OSBPL11: variants seen among roughly 807,000 people sequenced by gnomAD.
OSBPL11 encodes oxysterol binding protein like 11.
Under a neutral mutation model 84.4 loss-of-function variants are expected in OSBPL11, and 33 were observed. The observed-to-expected ratio is 0.39, with a 90% CI of 0.30 to 0.52. The LOEUF (loss-of-function observed/expected upper bound fraction) is 0.52. Among genes scored for constraint, OSBPL11 ranks in the 20% least tolerant of loss-of-function variants. The pLI, the probability that OSBPL11 is intolerant of heterozygous loss-of-function variation, is 0.72. For synonymous variants in OSBPL11, 276 were observed against 310.2 expected (o/e 0.89, Z 1.16); for missense variants, 736 against 901.1 (o/e 0.82, Z 2.35).
At chr3:125,542,992 T>A (rs1446692263) in intron 10 of OSBPL11, among the ~76,000 whole-genome samples, 3 of 152,084 alleles carry the variant, frequency 2.0e-5, no homozygotes, top group Non-Finnish European at 4.4e-5. Flanking sequence ...TGATAATTCT[T>A]TAAAAGCTGT....
At chr3:125,574,060 A>G (rs1936280775) in intron 5 of OSBPL11, among the ~76,000 whole-genome samples, 1 of 152,146 alleles carries the variant, frequency 6.6e-6, no homozygotes. Context: ...TGCTCTGCAG[A>G]GACCCCTGTG....
chr3:125,531,770 T>C (rs957077832), intron 12 of OSBPL11, 91 bp downstream of exon 12: 6 of 1,244,998 alleles, frequency 4.8e-6, no homozygotes, highest in African/African-American at 4.5e-5. Context: ...AAAATAAAGA[T>C]GTATAAGTGA....
At chr3:125,580,278 G>A (rs569536904) in intron 2 of OSBPL11, among the ~76,000 whole-genome samples, 6 of 152,250 alleles carry the variant, frequency 3.9e-5, no homozygotes, top group Admixed American at 2.6e-4. Flanking sequence ...ACTTTGGGAG[G>A]CAGAGGCGAG....
At chr3:125,573,208 T>TAA (rs998113066) in intron 5 of OSBPL11, among the ~76,000 whole-genome samples, 9 of 147,980 alleles carry the variant, frequency 6.1e-5, no homozygotes, top group African/African-American at 2.2e-4. Context: ...CAGTTCCTTT[T>TAA]AAAAAAAAAA....
At chr3:125,574,466 T>A (rs969354709) in intron 5 of OSBPL11, among the ~76,000 whole-genome samples, 4 of 150,650 alleles carry the variant, frequency 2.7e-5, no homozygotes, top group African/African-American at 9.7e-5. Flanking sequence ...GACTGACTTG[T>A]AAGCTGATTA....
intron 1 of OSBPL11, among the ~76,000 whole-genome samples, chr3:125,588,079 G>C (rs912679852): frequency 6.6e-6 from 1 of 151,980 alleles, no homozygotes; most frequent in Non-Finnish European, 1.5e-5. Context: ...AAAATTAGCT[G>C]GGCGTGGTGG....
At chr3:125,547,858 G>A (rs906532994) in intron 9 of OSBPL11, among the ~76,000 whole-genome samples, 1 of 152,030 alleles carries the variant, frequency 6.6e-6, no homozygotes, top group African/African-American at 2.4e-5. Context: ...ACATTTCAAG[G>A]GTTTTCTCTA....
chr3:125,591,974 C>T (rs1936601155), intron 1 of OSBPL11, among the ~76,000 whole-genome samples: 1 of 152,024 alleles, frequency 6.6e-6, no homozygotes, highest in African/African-American at 2.4e-5. Context: ...CACACTCAAC[C>T]CTGGGAGACA....
intron 7 of OSBPL11, 84 bp downstream of exon 7, chr3:125,563,614 T>G: frequency 7.4e-7 from 1 of 1,352,782 alleles, no homozygotes; most frequent in Non-Finnish European, 1.0e-6. Flanking sequence ...TTGATGTGCA[T>G]GAGCTGACAA....
At chr3:125,586,263 T>C (rs941276063) in intron 1 of OSBPL11, among the ~76,000 whole-genome samples, 6 of 152,180 alleles carry the variant, frequency 3.9e-5, no homozygotes, top group African/African-American at 2.4e-5. Flanking sequence ...AAATAAGCTA[T>C]GATAAAGTTA....
intron 11 of OSBPL11, 129 bp downstream of exon 11, chr3:125,538,322 A>T: frequency 2.6e-6 from 2 of 783,666 alleles, no homozygotes; most frequent in Non-Finnish European, 4.2e-6. Context: ...AGATCAGACT[A>T]ATGCTTTCAA....
chr3:125,582,878 G>C, intron 2 of OSBPL11, 32 bp downstream of exon 2: 1 of 1,490,924 alleles, frequency 6.7e-7, no homozygotes, highest in Non-Finnish European at 9.2e-7. Flanking sequence ...TCTCTTAGGA[G>C]AGACTGATGT....
At chr3:125,551,983 G>A (rs1015156409) in intron 9 of OSBPL11, among the ~76,000 whole-genome samples, 198 bp downstream of exon 9, 1 of 151,720 alleles carries the variant, frequency 6.6e-6, no homozygotes, top group Non-Finnish European at 1.5e-5. Context: ...ATTTAAGATT[G>A]TAGTTTGATA....
chr3:125,542,667 C>A (rs1429895608), intron 10 of OSBPL11, among the ~76,000 whole-genome samples: 1 of 152,088 alleles, frequency 6.6e-6, no homozygotes, highest in African/African-American at 2.4e-5. Flanking sequence ...TGCTACTACA[C>A]CCGGTTAATT....
chr3:125,558,873 A>C (rs1420230107), intron 8 of OSBPL11, among the ~76,000 whole-genome samples: 5 of 152,220 alleles, frequency 3.3e-5, no homozygotes, highest in Admixed American at 2.6e-4. Flanking sequence ...TGGTCCACTA[A>C]GTCTGGGACT....
intron 9 of OSBPL11, among the ~76,000 whole-genome samples, chr3:125,550,425 A>AAAG (rs1553733059): frequency 6.7e-6 from 1 of 149,628 alleles, no homozygotes. Context: ...AAAAAAAAAA[A>AAAG]AGAGAGTACT....
intron 5 of OSBPL11, among the ~76,000 whole-genome samples, chr3:125,573,868 G>A (rs571075644): frequency 5.1e-4 from 34 of 66,384 alleles, no homozygotes; most frequent in African/African-American, 1.8e-3. Context: ...GCAAAACTCC[G>A]TCTCAAAAAA....
chr3:125,565,148 A>G (rs1042823765), intron 6 of OSBPL11, among the ~76,000 whole-genome samples: 1 of 152,186 alleles, frequency 6.6e-6, no homozygotes, highest in Non-Finnish European at 1.5e-5. Flanking sequence ...GGGGGGCTAA[A>G]GCAGGAGAAT....
chr3:125,559,705 C>T (rs1936046837), intron 8 of OSBPL11, among the ~76,000 whole-genome samples: 1 of 152,032 alleles, frequency 6.6e-6, no homozygotes, highest in Non-Finnish European at 1.5e-5. Flanking sequence ...AAGTGATCTG[C>T]CCACCTCAGC....
Sources: gnomAD v4.1 joint callset for allele counts (sites outside exome capture counted in the v4.1 genomes callset) on GRCh38, gnomAD v4.1.1 for gene constraint, MANE v1.5 for transcripts, NCBI Gene and HGNC (gene_info 2026-07-23, HGNC 2026-07-21) for gene names.